The following PIP4P2 variants were observed in gnomAD, a reference collection of about 807,000 sequenced individuals.
PIP4P2 encodes the protein type 2 phosphatidylinositol 4,5-bisphosphate 4-phosphatase.
In PIP4P2, 19 loss-of-function variants were observed where a neutral mutation model predicts 33.3. That is an observed-to-expected ratio of 0.57 (90% confidence interval 0.40 to 0.84). The LOEUF is 0.84. Ranked by LOEUF, PIP4P2 falls within the 40% of genes least tolerant of loss-of-function variation. The pLI is 0.00. For synonymous variants in PIP4P2, 110 were observed against 111.9 expected, an observed-to-expected ratio of 0.98 and a Z score of 0.11; for missense variants, 270 against 324.7, an observed-to-expected ratio of 0.83 and a Z score of 1.29.
At chr8:90,997,006 T>C (rs1811637518) in intron 5 of PIP4P2, among the ~76,000 whole-genome samples, 2 of 152,134 alleles carry the variant, frequency 1.3e-5, no homozygotes, top group South Asian at 4.1e-4. Flanking sequence ...TCCATTGTAG[T>C]ACCTACTAAT....
chr8:91,003,361 G>A (rs959787354), intron 5 of PIP4P2, among the ~76,000 whole-genome samples: 37 of 151,962 alleles, frequency 2.4e-4, no homozygotes, highest in Admixed American at 6.6e-4. Flanking sequence ...GAGAATAAGA[G>A]GACAGAATTA....
chr8:91,031,480 T>C (rs1422390114), intron 1 of PIP4P2, among the ~76,000 whole-genome samples: 1 of 152,202 alleles, frequency 6.6e-6, no homozygotes, highest in Admixed American at 6.5e-5. Context: ...GGAAATCACA[T>C]GTTAAAAATG....
chr8:91,040,092 G>A (rs1474541284), intron 1 of PIP4P2, among the ~76,000 whole-genome samples: 1 of 152,086 alleles, frequency 6.6e-6, no homozygotes, highest in Admixed American at 6.6e-5. Context: ...GACATATTAG[G>A]AATATTGATT....
intron 1 of PIP4P2, among the ~76,000 whole-genome samples, chr8:91,025,794 C>G (rs1812075036): frequency 6.6e-6 from 1 of 152,154 alleles, no homozygotes; most frequent in Non-Finnish European, 1.5e-5. Context: ...TCCCTAGTAT[C>G]TTTGTGCAGA....
chr8:91,001,766 C>T (rs982038180), intron 5 of PIP4P2, among the ~76,000 whole-genome samples: 5 of 151,876 alleles, frequency 3.3e-5, no homozygotes, highest in Non-Finnish European at 7.4e-5. Context: ...ATCTTGTTTT[C>T]TCCTATGACT....
At chr8:91,018,230 A>T (rs925650114) in intron 4 of PIP4P2, among the ~76,000 whole-genome samples, 160 bp downstream of exon 4, 7 of 152,234 alleles carry the variant, frequency 4.6e-5, no homozygotes, top group African/African-American at 1.7e-4. Flanking sequence ...AAGATGCTCT[A>T]TATCCTAGTT....
chr8:91,018,087 T>C (rs1005488284), intron 4 of PIP4P2, among the ~76,000 whole-genome samples: 3 of 152,174 alleles, frequency 2.0e-5, no homozygotes, highest in Non-Finnish European at 4.4e-5. Context: ...AGAGCAGGGC[T>C]AAGACTCAGC....
intron 3 of PIP4P2, 114 bp downstream of exon 3, chr8:91,020,043 T>A (rs1287989087): frequency 1.0e-6 from 1 of 961,632 alleles, no homozygotes; most frequent in Non-Finnish European, 1.6e-6. Flanking sequence ...GATTCTGGAA[T>A]GACTTTGAAA....
rs113543538 is a variant in PIP4P2, at chr8:91,023,629, A to C, written c.107-2225T>G. ...AAATCTACTCTTTTGGAGGCTTGGGAAGTGGAGGGACATGGACAGAACAAG... is the reference window on the plus strand; with the variant it reads ...AAATCTACTCTTTTGGAGGCTTGGGCAGTGGAGGGACATGGACAGAACAAG... On this transcript the variant is annotated intron_variant, in intron 1 of 6. Coordinates refer to ENST00000285419, the MANE Select transcript of PIP4P2 (RefSeq NM_018710.3). 9.0e-3 allele frequency among the ~76,000 whole-genome samples: 1,369 copies of C among 151,932 alleles called. 21 individuals carry two copies. Among genetic ancestry groups the C allele is most frequent in the African/African-American group, 0.031 (1,282 of 41,458 alleles).
chr8:91,032,509 G>C (rs756367628), intron 1 of PIP4P2, among the ~76,000 whole-genome samples: 2 of 152,056 alleles, frequency 1.3e-5, no homozygotes, highest in African/African-American at 2.4e-5. Context: ...GGCCAGGCGC[G>C]GTGGCTCATG....
chr8:91,038,412 C>G (rs1812261279), intron 1 of PIP4P2, among the ~76,000 whole-genome samples: 1 of 152,172 alleles, frequency 6.6e-6, no homozygotes, highest in African/African-American at 2.4e-5. Flanking sequence ...CATTCTGTTT[C>G]TGATTGAATT....
At chr8:91,034,107 C>G (rs78516044) in intron 1 of PIP4P2, among the ~76,000 whole-genome samples, 2,714 of 152,168 alleles carry the variant, frequency 0.018, 72 homozygotes, top group East Asian at 0.14. Context: ...AAACATTTGC[C>G]ATCCAAACAG....
rs990308654 is a variant in PIP4P2, at chr8:90,994,199, T to C, written c.*1478A>G. 4 of 152,074 alleles carry C rather than the reference T, an allele frequency of 2.6e-5. No homozygotes were observed. The highest frequency in any genetic ancestry group is 9.7e-5 in the African/African-American group (4 of 41,426). The allele number at this position is 152,074 out of a possible 1,614,324, so 9.4% of individuals were successfully genotyped here. A position where few individuals can be genotyped will look rare whatever the true frequency, so the allele number is the denominator to read the frequency against. On this transcript the variant is annotated 3_prime_UTR_variant, in exon 7 of 7. Coordinates refer to ENST00000285419, the MANE Select transcript of PIP4P2 (RefSeq NM_018710.3). ...AAAGAAACAGGTACATTCCTAAACATGAAAACTTTACAGCAAGATTTCAAG... is the reference window on the plus strand; with the variant it reads ...AAAGAAACAGGTACATTCCTAAACACGAAAACTTTACAGCAAGATTTCAAG...
At chr8:91,028,645 G>A (rs1030182220) in intron 1 of PIP4P2, among the ~76,000 whole-genome samples, 1 of 152,124 alleles carries the variant, frequency 6.6e-6, no homozygotes, top group Non-Finnish European at 1.5e-5. Context: ...TGGCCCATAG[G>A]TTAATATAGG....
intron 5 of PIP4P2, among the ~76,000 whole-genome samples, chr8:91,008,048 T>C (rs1282651860): frequency 2.0e-5 from 3 of 152,152 alleles, no homozygotes; most frequent in East Asian, 3.8e-4. Context: ...CATCTGCCTT[T>C]TCCTTTTGCT....
At position 91,022,025 on chromosome 8, in the gene PIP4P2, A is replaced by G. The variant is rs1022331184; in HGVS notation, c.107-621T>C. Among the ~76,000 whole-genome samples the G allele has an allele frequency of 1.8e-4, 27 of 152,212 alleles. 1 individual carries two copies. Among genetic ancestry groups the G allele is most frequent in the Admixed American group, 1.5e-3 (23 of 15,262 alleles). On this transcript the variant is annotated intron_variant, in intron 1 of 6. Coordinates refer to ENST00000285419, the MANE Select transcript of PIP4P2 (RefSeq NM_018710.3). Reference sequence around the variant, plus strand: ...GACACAAAACAAAAATAAAGTAAATATAACAATTTTTAGTCTCAAAATTTA... The same window carrying G: ...GACACAAAACAAAAATAAAGTAAATGTAACAATTTTTAGTCTCAAAATTTA...
Position 91,018,373 on chromosome 8 carries a change from A to C in PIP4P2, c.486+17T>G. 6.2e-7 allele frequency: 1 copy of C among 1,613,858 alleles called. No individual in the cohort carries two copies. The highest frequency in any genetic ancestry group is 8.5e-7 in the Non-Finnish European group (1 of 1,179,808). On this transcript the variant is annotated intron_variant, in intron 4 of 6. Coordinates refer to ENST00000285419, the MANE Select transcript of PIP4P2 (RefSeq NM_018710.3). ...GACCTATATTTACAGATTAATGACA[A>C]ATGTCCAGTGACTTACCAGGAATGT...
intron 4 of PIP4P2, among the ~76,000 whole-genome samples, chr8:91,017,708 A>G (rs1811937237): frequency 1.3e-5 from 2 of 152,174 alleles, no homozygotes; most frequent in African/African-American, 4.8e-5. Flanking sequence ...TTCATATTCA[A>G]GTTCTAAAGA....
chr8:90,996,331 A>G (rs1811628280), intron 6 of PIP4P2, among the ~76,000 whole-genome samples: 1 of 152,150 alleles, frequency 6.6e-6, no homozygotes, highest in Non-Finnish European at 1.5e-5. Context: ...ATTGCTTTGA[A>G]TAATAAGAGA....
Sources: allele counts gnomAD v4.1 joint callset (sites outside exome capture counted in the v4.1 genomes callset), GRCh38; gene constraint gnomAD v4.1.1; transcripts MANE v1.5; gene names NCBI Gene and HGNC (gene_info 2026-07-23, HGNC 2026-07-21).